Variants in STMN2 observed in about 807,000 individuals in gnomAD.
The protein encoded by STMN2 is stathmin 2, also known as stathmin-2.
In STMN2, 2 loss-of-function variants were observed where a neutral mutation model predicts 24.1. The observed-to-expected ratio is 0.08, with a 90% CI of 0.03 to 0.26. The LOEUF is 0.26. Among genes scored for constraint, STMN2 ranks in the 10% least tolerant of loss-of-function variants. The probability of loss-of-function intolerance (pLI) is 1.00; values close to 1 mark genes in which losing one functional copy is unlikely to be tolerated. For missense variants in STMN2, 114 were observed against 213.6 expected, an observed-to-expected ratio of 0.53 and a Z score of 2.91; for synonymous variants, 83 against 77.5, an observed-to-expected ratio of 1.07 and a Z score of -0.37.
chr8:79,660,870 C>T (rs551879933), intron 4 of STMN2, among the ~76,000 whole-genome samples: 107 of 152,146 alleles, frequency 7.0e-4, no homozygotes, highest in African/African-American at 2.0e-3. Context: ...ATACTCATAG[C>T]TTAGCTCCCA....
chr8:79,644,302 C>T (rs1461122226), intron 3 of STMN2, among the ~76,000 whole-genome samples: 1 of 152,220 alleles, frequency 6.6e-6, no homozygotes, highest in Non-Finnish European at 1.5e-5. Flanking sequence ...CTTTCAGTGC[C>T]TGTCATCTCT....
intron 3 of STMN2, among the ~76,000 whole-genome samples, chr8:79,650,359 AC>A (rs1243826813): frequency 3.3e-5 from 5 of 152,190 alleles, no homozygotes; most frequent in African/African-American, 1.2e-4. Flanking sequence ...AAGTAAGAAT[AC>A]CTATTTGAAC....
chr8:79,664,838 C>T lies in STMN2; in HGVS notation c.504C>T (p.Arg168=). The T allele has an allele frequency of 6.2e-7, 1 of 1,613,180 alleles. No homozygotes were observed. Among genetic ancestry groups the T allele is most frequent in the Non-Finnish European group, 8.5e-7 (1 of 1,179,560 alleles). The change falls in exon 5 of 5, where the codon CGC becomes CGT. Residue 168 remains arginine (R), a synonymous_variant. Coordinates refer to ENST00000220876, the MANE Select transcript of STMN2 (RefSeq NM_007029.4). ...QEKERHAAEV[R]RNKELQVELS... ...AGGAGAGGCATGCTGCGGAGGTGCGCAGGAACAAGGAACTCCAGGTTGAAC... is the reference window on the plus strand; with the variant it reads ...AGGAGAGGCATGCTGCGGAGGTGCGTAGGAACAAGGAACTCCAGGTTGAAC...
chr8:79,641,241 C>A (rs1810088657), intron 2 of STMN2, 137 bp from the exon 3 acceptor site: 2 of 828,336 alleles, frequency 2.4e-6, no homozygotes, highest in South Asian at 3.7e-5. Context: ...CAACATAGAG[C>A]AAATGCTCAT....
chr8:79,615,142 A>G (rs1809353981), intron 1 of STMN2, among the ~76,000 whole-genome samples: 1 of 152,254 alleles, frequency 6.6e-6, no homozygotes, highest in Non-Finnish European at 1.5e-5. Flanking sequence ...ACAACTAACA[A>G]TGAAGTGGAG....
chr8:79,660,801 C>T lies in STMN2; in HGVS notation c.481-4014C>T, dbSNP rs185388924. On this transcript the variant is annotated intron_variant, in intron 4 of 4. Transcript: ENST00000220876. ...TATGTAGTCTTTCATCCCTCGCCCC[C>T]ACTCCCAACCTTCCCCCACAAGTCT... Among the ~76,000 whole-genome samples, 131 of 152,038 alleles carry T rather than the reference C, an allele frequency of 8.6e-4. 1 individual carries two copies. The highest frequency in any genetic ancestry group is 3.4e-3 in the Middle Eastern group (1 of 294).
At chr8:79,652,888 G>A (rs1358560697) in intron 3 of STMN2, among the ~76,000 whole-genome samples, 6 of 152,042 alleles carry the variant, frequency 3.9e-5, no homozygotes, top group African/African-American at 1.4e-4. Context: ...AATAAGCAAA[G>A]TCTGTGTAGG....
chr8:79,663,821 C>A (rs1806548182), intron 4 of STMN2: 6 of 212,688 alleles, frequency 2.8e-5, no homozygotes, highest in Non-Finnish European at 4.9e-5. Context: ...TGATTTTAGT[C>A]ATCTGATGTA....
At chr8:79,633,924 G>T (rs1181458355) in intron 1 of STMN2, among the ~76,000 whole-genome samples, 1 of 152,118 alleles carries the variant, frequency 6.6e-6, no homozygotes, top group African/African-American at 2.4e-5. Context: ...GAAAATTATT[G>T]AATTTAGTTT....
At chr8:79,641,656 A>G (rs1810101861) in intron 3 of STMN2, 106 bp downstream of exon 3, 1 of 816,142 alleles carries the variant, frequency 1.2e-6, no homozygotes, top group Non-Finnish European at 1.9e-6. Flanking sequence ...ACACACACAC[A>G]CACACACACA....
At chr8:79,651,281 A>G (rs1192559772) in intron 3 of STMN2, among the ~76,000 whole-genome samples, 1 of 152,214 alleles carries the variant, frequency 6.6e-6, no homozygotes, top group Non-Finnish European at 1.5e-5. Context: ...GTTTCACCCC[A>G]TTAATTGTGC....
intron 1 of STMN2, among the ~76,000 whole-genome samples, chr8:79,620,263 T>A (rs577274198): frequency 1.9e-4 from 29 of 150,128 alleles, no homozygotes; most frequent in African/African-American, 6.3e-4. Context: ...TATAAATATG[T>A]TATATATCAT....
intron 3 of STMN2, among the ~76,000 whole-genome samples, chr8:79,645,763 G>A (rs143737968): frequency 1.3e-5 from 2 of 152,228 alleles, no homozygotes; most frequent in East Asian, 3.9e-4. Flanking sequence ...GTTCCTCACT[G>A]TGGGGAGGGG....
chr8:79,639,165 C>T (rs1036901165), intron 2 of STMN2, among the ~76,000 whole-genome samples: 5 of 152,142 alleles, frequency 3.3e-5, no homozygotes, highest in African/African-American at 1.2e-4. Context: ...TTAACGGGAA[C>T]ATAACCTGCT....
intron 3 of STMN2, among the ~76,000 whole-genome samples, chr8:79,648,377 A>G (rs1210448926): frequency 6.6e-6 from 1 of 152,032 alleles, no homozygotes; most frequent in African/African-American, 2.4e-5. Context: ...GAGATTATCT[A>G]GCAAACTCAT....
intron 1 of STMN2, among the ~76,000 whole-genome samples, chr8:79,615,048 C>T (rs563258208): frequency 2.2e-4 from 33 of 152,292 alleles, no homozygotes; most frequent in Admixed American, 8.5e-4. Flanking sequence ...TAGTTTTCTT[C>T]CCTATAATTT....
chr8:79,625,345 A>G (rs1235143569), intron 1 of STMN2, among the ~76,000 whole-genome samples: 1 of 152,160 alleles, frequency 6.6e-6, no homozygotes, highest in African/African-American at 2.4e-5. Flanking sequence ...TTACTGAGTC[A>G]AGTACTGTGA....
rs1810417525 is a variant in STMN2, at chr8:79,655,116, G to C, written c.480+54G>C. 5 of 1,583,486 alleles carry C rather than the reference G, an allele frequency of 3.2e-6. No homozygotes were observed. The Admixed American group carries it at 5.2e-5, about 16-fold the overall frequency. On this transcript the variant is annotated intron_variant, in intron 4 of 4. Coordinates refer to ENST00000220876, the MANE Select transcript of STMN2 (RefSeq NM_007029.4). ...GATATATTCATATGCAGCACAGCTGGGTGAACTTCCATATGCCTGAGCACA... is the reference window on the plus strand; with the variant it reads ...GATATATTCATATGCAGCACAGCTGCGTGAACTTCCATATGCCTGAGCACA...
In STMN2 at chr8:79,664,917, C is replaced by A; in HGVS notation, c.*43C>A. The A allele has an allele frequency of 6.3e-7, 1 of 1,591,116 alleles. No homozygotes were observed. Among genetic ancestry groups the A allele is most frequent in the South Asian group, 1.1e-5 (1 of 89,208 alleles). On this transcript the variant is annotated 3_prime_UTR_variant, in exon 5 of 5. Transcript: ENST00000220876. Reference sequence around the variant, plus strand: ...CACGCCCCACCAATAGTAAATCCCCCTGCCTATATTATAATGGATCATGCG... The same window carrying A: ...CACGCCCCACCAATAGTAAATCCCCATGCCTATATTATAATGGATCATGCG...
Sources: gnomAD v4.1 joint callset for allele counts (sites outside exome capture counted in the v4.1 genomes callset) on GRCh38, gnomAD v4.1.1 for gene constraint, MANE v1.5 for transcripts, NCBI Gene and HGNC (gene_info 2026-07-23, HGNC 2026-07-21) for gene names.